VPS13A: variants seen among roughly 807,000 people sequenced by gnomAD.
VPS13A encodes intermembrane lipid transfer protein VPS13A.
In VPS13A, 264 loss-of-function variants were observed where a neutral mutation model predicts 390.9. The observed-to-expected ratio is 0.68, with a 90% CI of 0.61 to 0.75. The LOEUF (loss-of-function observed/expected upper bound fraction) is 0.75. Among genes scored for constraint, VPS13A ranks in the 30% least tolerant of loss-of-function variants. VPS13A has a pLI of 0.00. For missense variants in VPS13A, 3,409 were observed against 3,733.9 expected, an observed-to-expected ratio of 0.91 and a Z score of 2.27; for synonymous variants, 1,231 against 1,227.1, an observed-to-expected ratio of 1.00 and a Z score of -0.07.
intron 1 of VPS13A, 156 bp downstream of exon 1, chr9:77,177,960 G>C: frequency 1.6e-6 from 1 of 638,644 alleles, no homozygotes; most frequent in Non-Finnish European, 2.7e-6. Flanking sequence ...CGTAAAGCCG[G>C]GCGGCAGTTC....
intron 23 of VPS13A, among the ~76,000 whole-genome samples, chr9:77,267,616 G>A (rs1050638349): frequency 6.6e-6 from 1 of 152,192 alleles, no homozygotes; most frequent in African/African-American, 2.4e-5. Flanking sequence ...CCTGCTGGGA[G>A]GTGTCTCCCA....
At chr9:77,296,006 T>C (rs1359048655) in intron 33 of VPS13A, among the ~76,000 whole-genome samples, 160 bp downstream of exon 33, 1 of 152,222 alleles carries the variant, frequency 6.6e-6, no homozygotes, top group Non-Finnish European at 1.5e-5. Flanking sequence ...GCAAAATCAA[T>C]TATAGTCTTT....
Position 77,266,907 on chromosome 9 carries a change from A to G in VPS13A, c.2428-6373A>G, listed in dbSNP as rs186387896. Among the ~76,000 whole-genome samples the G allele has an allele frequency of 7.6e-3, 1,150 of 151,794 alleles. 3 individuals are homozygous for G. The highest frequency in any genetic ancestry group is 0.012 in the Non-Finnish European group (815 of 67,926). ...TCTTGTCTTCATGCTTTATTTCACT[A>G]AGTTGATCTTCAATCTCTGATATCC... On this transcript the variant is annotated intron_variant, in intron 23 of 71. Coordinates refer to ENST00000360280, the MANE Select transcript of VPS13A (RefSeq NM_033305.3).
chr9:77,271,548 C>G (rs772081732), intron 23 of VPS13A, among the ~76,000 whole-genome samples: 1 of 152,116 alleles, frequency 6.6e-6, no homozygotes, highest in African/African-American at 2.4e-5. Context: ...TAAAAAGTTG[C>G]ATAAAACCCA....
intron 68 of VPS13A, among the ~76,000 whole-genome samples, chr9:77,398,111 A>G (rs1350991545): frequency 2.6e-5 from 4 of 152,280 alleles, no homozygotes; most frequent in Middle Eastern, 3.4e-3. Context: ...TATACCTAGC[A>G]TCTGTTTGGG....
intron 7 of VPS13A, chr9:77,211,343 A>G (rs1330472711): frequency 6.6e-6 from 1 of 152,106 alleles, no homozygotes; most frequent in Non-Finnish European, 1.5e-5. Flanking sequence ...GTAGGATTAT[A>G]AAAGTTTACG....
At chr9:77,326,089 T>G (rs969250267) in intron 45 of VPS13A, among the ~76,000 whole-genome samples, 1 of 152,202 alleles carries the variant, frequency 6.6e-6, no homozygotes, top group African/African-American at 2.4e-5. Context: ...TGCTGTCTGC[T>G]GTATTGCATT....
At chr9:77,380,899 A>T (rs1833392499) in intron 67 of VPS13A, among the ~76,000 whole-genome samples, 1 of 152,168 alleles carries the variant, frequency 6.6e-6, no homozygotes, top group Non-Finnish European at 1.5e-5. Context: ...ATATGACAGG[A>T]GGTGGAGCTC....
intron 1 of VPS13A, among the ~76,000 whole-genome samples, chr9:77,187,997 C>T (rs1171148073): frequency 7.9e-5 from 12 of 152,122 alleles, no homozygotes; most frequent in Admixed American, 7.9e-4. Flanking sequence ...GAGGTGGGGA[C>T]TGGTGGGAGG....
intron 70 of VPS13A, among the ~76,000 whole-genome samples, chr9:77,406,380 C>T (rs1587728949): frequency 6.6e-6 from 1 of 152,134 alleles, no homozygotes; most frequent in Non-Finnish European, 1.5e-5. Context: ...TCTTCCCCTT[C>T]CCCCTTTTCA....
intron 3 of VPS13A, among the ~76,000 whole-genome samples, chr9:77,203,371 C>G (rs1327839739): frequency 6.6e-6 from 1 of 152,180 alleles, no homozygotes; most frequent in Admixed American, 6.5e-5. Flanking sequence ...TCATTGCAAC[C>G]TATGCCTTCC....
chr9:77,182,513 A>T (rs56261148), intron 1 of VPS13A, among the ~76,000 whole-genome samples: 15 of 152,174 alleles, frequency 9.9e-5, no homozygotes, highest in African/African-American at 3.6e-4. Flanking sequence ...ACATGAAAAT[A>T]TTTTTTTAAA....
chr9:77,275,559 A>G lies in VPS13A; in HGVS notation c.2574A>G (p.Pro858=). Residue 858 remains proline, a synonymous_variant, in exon 25 of 72, where the codon CCA becomes CCG. Transcript: ENST00000360280. ...CSPLEEPLQF[P]TGVKSIRTRK... is the part of the protein sequence containing the mutation. ...CCTTGGAAGAACCTCTTCAGTTTCC[A>G]ACTGGAGTTAAAAGTATTCGAACCA... 1 of 1,613,830 alleles carries G rather than the reference A, an allele frequency of 6.2e-7. No individual in the cohort carries two copies. Among genetic ancestry groups the G allele is most frequent in the Non-Finnish European group, 8.5e-7 (1 of 1,179,810 alleles).
intron 1 of VPS13A, among the ~76,000 whole-genome samples, chr9:77,190,657 C>T (rs971305317): frequency 5.3e-5 from 8 of 152,146 alleles, no homozygotes; most frequent in African/African-American, 1.9e-4. Flanking sequence ...AGGATTGGTA[C>T]CAGCTCTTCT....
At chr9:77,212,930 A>T in intron 7 of VPS13A, 39 bp from the exon 8 acceptor site, 1 of 1,603,968 alleles carries the variant, frequency 6.2e-7, no homozygotes, top group South Asian at 1.1e-5. Flanking sequence ...TTTCAAATGG[A>T]ATGACCTTTT....
intron 41 of VPS13A, 146 bp from the exon 42 acceptor site, chr9:77,319,426 G>T: frequency 1.5e-6 from 1 of 655,878 alleles, no homozygotes; most frequent in Non-Finnish European, 2.7e-6. Context: ...AAGTTAGCCA[G>T]GTGAGGAAAA....
intron 71 of VPS13A, among the ~76,000 whole-genome samples, chr9:77,408,354 C>G (rs1185603855): frequency 6.6e-6 from 1 of 152,210 alleles, no homozygotes; most frequent in East Asian, 1.9e-4. Flanking sequence ...GTCTACAGCT[C>G]CTAGTGTGAG....
chr9:77,228,196 G>GC lies in VPS13A; in HGVS notation c.1528dup (p.Leu510ProfsTer10). The GC allele has an allele frequency of 6.2e-7, 1 of 1,603,776 alleles. No individual in the cohort carries two copies. Among genetic ancestry groups the GC allele is most frequent in the Non-Finnish European group, 8.5e-7 (1 of 1,174,684 alleles). On this transcript the variant is annotated frameshift_variant, in exon 17 of 72. Coordinates refer to ENST00000360280, the MANE Select transcript of VPS13A (RefSeq NM_033305.3). LOFTEE classifies it high-confidence loss of function. ...TAAGAGAAAATCATCAAAAACCTGAGCTGGTAGATATTGTAATAGAAGAAT... is the reference window on the plus strand; with the variant it reads ...TAAGAGAAAATCATCAAAAACCTGAGCCTGGTAGATATTGTAATAGAAGAAT...
chr9:77,311,347 A>G (rs1587552434), intron 35 of VPS13A, among the ~76,000 whole-genome samples: 1 of 152,240 alleles, frequency 6.6e-6, no homozygotes, highest in Non-Finnish European at 1.5e-5. Context: ...ATTAATTGCT[A>G]TTTTTCCATA....
Sources: allele counts gnomAD v4.1 joint callset (sites outside exome capture counted in the v4.1 genomes callset), GRCh38; gene constraint gnomAD v4.1.1; transcripts MANE v1.5; gene names NCBI Gene and HGNC (gene_info 2026-07-23, HGNC 2026-07-21).